The following TMEM247 variants were observed in gnomAD, a reference collection of about 807,000 sequenced individuals.
TMEM247 encodes transmembrane protein ENSP00000343375.
TMEM247 carries 23 observed loss-of-function variants against 20.7 expected under a neutral mutation model. The observed-to-expected ratio is 1.11, with a 90% CI of 0.80 to 1.57. TMEM247 has a LOEUF of 1.57. Ranked by LOEUF, TMEM247 falls within the 40% of genes most tolerant of loss-of-function variation. The pLI is 0.00. For missense variants in TMEM247, 354 were observed against 283.8 expected, an observed-to-expected ratio of 1.25 and a Z score of -1.78; for synonymous variants, 106 against 111.9, an observed-to-expected ratio of 0.95 and a Z score of 0.33.
chr2:46,483,391 C>T (rs79542054), intron 2 of TMEM247, among the ~76,000 whole-genome samples: 10,991 of 152,236 alleles, frequency 0.072, 1,000 homozygotes, highest in African/African-American at 0.21. Context: ...CAGCACCTGC[C>T]TCCAAGAGAC....
At chr2:46,482,138 ATTATC>A (rs901584492) in intron 2 of TMEM247, among the ~76,000 whole-genome samples, 7 of 152,134 alleles carry the variant, frequency 4.6e-5, no homozygotes, top group African/African-American at 1.7e-4. Context: ...TTCTTAAACA[ATTATC>A]TTTTTTTCTG....
exon 2 of TMEM247, chr2:46,480,708 G>GAGCGGC: frequency 6.4e-7 from 1 of 1,550,780 alleles, no homozygotes; most frequent in South Asian, 1.2e-5. Context: ...GCTGCAGCGG[G>GAGCGGC]AGCGGCAGCA....
rs1260827944 is a variant in TMEM247, at chr2:46,480,435, TA to T, written c.149del (p.Tyr50LeufsTer85). ...AGAGTCCCAGAAGCCAGACTCCTCCTATGACTACTTGGAAGAGATGGAAGCT... is the reference window on the plus strand; with the variant it reads ...AGAGTCCCAGAAGCCAGACTCCTCCTTGACTACTTGGAAGAGATGGAAGCT... On this transcript the variant is annotated frameshift_variant, in exon 2 of 3. Coordinates refer to ENST00000434431, the Ensembl canonical transcript of TMEM247. LOFTEE classifies it high-confidence loss of function. The T allele has an allele frequency of 1.3e-6, 2 of 1,550,966 alleles. No individual in the cohort carries two copies. The highest frequency in any genetic ancestry group is 2.4e-5 in the South Asian group (2 of 84,046).
At chr2:46,480,730 T>A in exon 2 of TMEM247, 1 of 1,551,286 alleles carries the variant, frequency 6.4e-7, no homozygotes, top group Admixed American at 2.0e-5. Context: ...GAGGTGGTGA[T>A]GGAGCAGCTG....
chr2:46,482,320 G>T (rs538084165), intron 2 of TMEM247, among the ~76,000 whole-genome samples: 2 of 152,252 alleles, frequency 1.3e-5, no homozygotes, highest in South Asian at 2.1e-4. Flanking sequence ...TAATATTTTT[G>T]AATTCTAAGT....
At chr2:46,480,652 A>G (rs1176330830) in exon 2 of TMEM247, 1 of 1,291,718 alleles carries the variant, frequency 7.7e-7, no homozygotes, top group Non-Finnish European at 1.0e-6. Flanking sequence ...AAGTACCTGC[A>G]TGAGAAGAAC....
chr2:46,479,584 G>A, exon 1 of TMEM247: 2 of 1,551,408 alleles, frequency 1.3e-6, no homozygotes, highest in Non-Finnish European at 1.7e-6. Flanking sequence ...CTGGTTTTCT[G>A]GATGGCAGCA....
At chr2:46,483,026 G>A (rs115195454) in intron 2 of TMEM247, among the ~76,000 whole-genome samples, 1,566 of 152,260 alleles carry the variant, frequency 0.01, 29 homozygotes, top group African/African-American at 0.036. Context: ...GTGAATAGAT[G>A]GACGGACAGA....
rs774282506 is a variant in TMEM247, at chr2:46,480,563, GC to G, written c.281del (p.Pro94ArgfsTer41). On this transcript the variant is annotated frameshift_variant, in exon 2 of 3. Coordinates refer to ENST00000434431, the Ensembl canonical transcript of TMEM247. LOFTEE classifies it high-confidence loss of function. Reference sequence around the variant, plus strand: ...GCGACGGACCCAAACCCGCAGAGCTGCCCCCGACCCCTGGGACTGAGCGCAA... The same window carrying G: ...GCGACGGACCCAAACCCGCAGAGCTGCCCCGACCCCTGGGACTGAGCGCAA... The G allele has an allele frequency of 7.1e-6, 11 of 1,551,608 alleles. No individual in the cohort carries two copies. Among genetic ancestry groups the G allele is most frequent in the African/African-American group, 1.4e-5 (1 of 73,058 alleles).
intron 1 of TMEM247, 132 bp from the exon 2 acceptor site, chr2:46,480,273 A>G: frequency 1.9e-6 from 2 of 1,079,380 alleles, no homozygotes; most frequent in African/African-American, 1.6e-5. Context: ...TCTAATAAGA[A>G]TTCAGCCTAG....
At position 46,480,892 on chromosome 2, in the gene TMEM247, G is replaced by C; in HGVS notation, c.477+128G>C. On this transcript the variant is annotated intron_variant, in intron 2 of 2. Transcript: ENST00000434431. The stretch of plus-strand genomic sequence containing the variant: ...ACCCTGCAGATCCTGGATCTCGGCT[G>C]AAAGGGGCTGAGCATCCACTCGGGC... The C allele has an allele frequency of 8.5e-6, 11 of 1,290,190 alleles. No individual in the cohort carries two copies. The South Asian group carries it at 1.4e-4, about 16-fold the overall frequency. 79.9% of individuals were successfully genotyped at this position (1,290,190 alleles called of 1,614,324 possible).
rs924602622 is a variant in TMEM247 at position 46,483,548 on chromosome 2, G to C, written c.478-696G>C. ...TAGGTTGAATGTCAGGGCACTGTGA[G>C]AGAACACTCCCAAGACCCAACATCC... is the stretch of plus-strand genomic sequence containing the variant. On this transcript the variant is annotated intron_variant, in intron 2 of 2. Transcript: ENST00000434431. Among the ~76,000 whole-genome samples, 18 of 152,354 alleles carry C rather than the reference G, an allele frequency of 1.2e-4. No homozygotes were observed. In the South Asian group the frequency reaches 3.3e-3, roughly 28 times the overall value.
exon 2 of TMEM247, chr2:46,480,717 C>A: frequency 6.4e-7 from 1 of 1,551,564 alleles, no homozygotes; most frequent in Non-Finnish European, 8.7e-7. Flanking sequence ...GGAGCGGCAG[C>A]ACGAGGTGGT....
chr2:46,483,414 A>G (rs1686927108), intron 2 of TMEM247, among the ~76,000 whole-genome samples: 1 of 152,202 alleles, frequency 6.6e-6, no homozygotes, highest in Non-Finnish European at 1.5e-5. Context: ...CAAACCCTGG[A>G]CTGAAGGACC....
chr2:46,482,422 G>A (rs1224931244), intron 2 of TMEM247, among the ~76,000 whole-genome samples: 1 of 152,180 alleles, frequency 6.6e-6, no homozygotes, highest in Non-Finnish European at 1.5e-5. Flanking sequence ...ATATGATATT[G>A]TAACTATGCC....
At chr2:46,479,632 A>G (rs1686839480) in exon 1 of TMEM247, 5 of 1,551,532 alleles carry the variant, frequency 3.2e-6, no homozygotes. Flanking sequence ...GGTGCGGGAG[A>G]AAGTTGCCCG....
intron 2 of TMEM247, among the ~76,000 whole-genome samples, chr2:46,482,031 T>C (rs1046137735): frequency 3.9e-5 from 6 of 152,242 alleles, no homozygotes; most frequent in African/African-American, 1.4e-4. Context: ...ACATTACCTA[T>C]AGCATTTCCC....
rs1228052773 is a variant in TMEM247 at position 46,484,235 on chromosome 2, C to G, written c.478-9C>G. 6.5e-7 allele frequency: 1 copy of G among 1,546,856 alleles called. No individual in the cohort carries two copies. The highest frequency in any genetic ancestry group is 1.4e-5 in the African/African-American group (1 of 73,094). Reference sequence around the variant, plus strand: ...CATCATCATCTCCACTGTCTTCTCTCCCCCACAGTTTTCAGGAGGCCTCCA... The same window carrying G: ...CATCATCATCTCCACTGTCTTCTCTGCCCCACAGTTTTCAGGAGGCCTCCA... On this transcript the variant is annotated splice_polypyrimidine_tract_variant and intron_variant, in intron 2 of 2. Coordinates refer to ENST00000434431, the Ensembl canonical transcript of TMEM247.
At chr2:46,483,429 G>A (rs13018477) in intron 2 of TMEM247, among the ~76,000 whole-genome samples, 79,056 of 151,982 alleles carry the variant, frequency 0.52, 20,991 homozygotes, top group East Asian at 0.62. Context: ...AGGACCATGG[G>A]CTGACCCACG....
Sources: allele counts gnomAD v4.1 joint callset (sites outside exome capture counted in the v4.1 genomes callset), GRCh38; gene constraint gnomAD v4.1.1; transcripts MANE v1.5; gene names NCBI Gene and HGNC (gene_info 2026-07-23, HGNC 2026-07-21).